Variants in DLC1 observed in about 807,000 individuals in gnomAD.
DLC1 encodes rho GTPase-activating protein 7.
In DLC1, 54 loss-of-function variants were observed where a neutral mutation model predicts 140.3. That is an observed-to-expected ratio of 0.38 (90% CI 0.31 to 0.48). DLC1 has a LOEUF of 0.48. Ranked by LOEUF, DLC1 falls within the 20% of genes least tolerant of loss-of-function variation. The probability of loss-of-function intolerance (pLI) is 0.96; values close to 1 mark genes in which losing one functional copy is unlikely to be tolerated. For synonymous variants in DLC1, 986 were observed against 728.1 expected (o/e 1.35, Z -5.70); for missense variants, 2,536 against 1,907.0 (o/e 1.33, Z -6.14).
intron 3 of DLC1, among the ~76,000 whole-genome samples, chr8:13,398,455 C>A (rs1586276032): frequency 6.6e-6 from 1 of 151,784 alleles, no homozygotes; most frequent in African/African-American, 2.4e-5. Flanking sequence ...AATGATGGAG[C>A]AATAGCCAAT....
At chr8:13,211,342 G>C (rs1010763883) in intron 5 of DLC1, among the ~76,000 whole-genome samples, 1 of 151,926 alleles carries the variant, frequency 6.6e-6, no homozygotes, top group Non-Finnish European at 1.5e-5. Flanking sequence ...ATGGAGCACC[G>C]TTTTGCTGTA....
chr8:13,602,747 C>T lies in DLC1; in HGVS notation c.-126+1790G>A, dbSNP rs185681094. Among the ~76,000 whole-genome samples, 38 of 151,924 alleles carry T rather than the reference C, an allele frequency of 2.5e-4. No individual in the cohort carries two copies. In the East Asian group the frequency reaches 4.6e-3, roughly 18 times the overall value. ...GCTAAAACAAAACAAAATAAAACAA[C>T]ATAATTTTTTTCAAAATCATATTTC... On this transcript the variant is annotated intron_variant, in intron 1 of 1. Coordinates refer to the DLC1 transcript ENST00000631382.
chr8:13,553,291 T>A lies in DLC1; in HGVS notation c.-126+51246A>T, dbSNP rs1803929869. Among the ~76,000 whole-genome samples, 3 of 144,724 alleles carry A rather than the reference T, an allele frequency of 2.1e-5. No homozygotes were observed. The Admixed American group carries it at 2.1e-4, about 10-fold the overall frequency. 94.9% of individuals were successfully genotyped at this position (144,724 alleles called of 152,430 possible). On this transcript the variant is annotated intron_variant, in intron 1 of 1. Coordinates refer to the DLC1 transcript ENST00000631382. ...CTTACTGTTTTAGATGAACTTTCTG[T>A]GCTCCTATATAAGGCCAATTTCTCC...
At chr8:13,477,210 GAA>G (rs35223127) in intron 2 of DLC1, among the ~76,000 whole-genome samples, 2 of 151,484 alleles carry the variant, frequency 1.3e-5, no homozygotes, top group South Asian at 2.1e-4. Flanking sequence ...CAAACAAGAT[GAA>G]AAAAAAAATA....
intron 5 of DLC1, among the ~76,000 whole-genome samples, chr8:13,184,780 T>A (rs1007024317): frequency 4.9e-4 from 74 of 152,308 alleles, no homozygotes; most frequent in African/African-American, 1.7e-3. Context: ...TTCTCTTGAT[T>A]TGGGGTGGAG....
intron 5 of DLC1, among the ~76,000 whole-genome samples, chr8:13,139,809 A>C (rs1285177143): frequency 6.6e-6 from 1 of 152,268 alleles, no homozygotes; most frequent in Non-Finnish European, 1.5e-5. Context: ...AAACAAGTGG[A>C]AAGTAAAACA....
At chr8:13,289,061 T>G (rs1275017108) in intron 5 of DLC1, among the ~76,000 whole-genome samples, 1 of 152,166 alleles carries the variant, frequency 6.6e-6, no homozygotes, top group Admixed American at 6.6e-5. Context: ...TGTGACCAAC[T>G]TCACTCCTGT....
At chr8:13,355,480 C>T (rs143730517) in intron 4 of DLC1, among the ~76,000 whole-genome samples, 11 of 152,292 alleles carry the variant, frequency 7.2e-5, no homozygotes, top group African/African-American at 2.4e-4. Flanking sequence ...CAAGGTCTGG[C>T]AGGGTTCTGC....
intron 1 of DLC1, among the ~76,000 whole-genome samples, chr8:13,521,232 C>G (rs189398513): frequency 1.8e-4 from 27 of 152,136 alleles, no homozygotes; most frequent in African/African-American, 6.3e-4. Flanking sequence ...AGGGGAACAT[C>G]ACCCACTGGG....
chr8:13,359,457 T>C (rs753642187), intron 4 of DLC1, among the ~76,000 whole-genome samples: 1 of 152,170 alleles, frequency 6.6e-6, no homozygotes, highest in Non-Finnish European at 1.5e-5. Context: ...CTGCTAATAA[T>C]ATGCACCTGC....
intron 1 of DLC1, among the ~76,000 whole-genome samples, chr8:13,596,985 TGTTC>T (rs1805703333): frequency 6.6e-6 from 1 of 151,932 alleles, no homozygotes; most frequent in Non-Finnish European, 1.5e-5. Flanking sequence ...GTTTTTTCTA[TGTTC>T]GTTTGTTTGA....
intron 4 of DLC1, chr8:13,338,463 C>T (rs759136710): frequency 5.9e-5 from 9 of 151,986 alleles, no homozygotes; most frequent in Non-Finnish European, 1.3e-4. Context: ...TTTACTGCTA[C>T]AAAAAGAGAA....
chr8:13,488,140 C>T (rs570203388), intron 2 of DLC1, among the ~76,000 whole-genome samples: 2 of 152,130 alleles, frequency 1.3e-5, no homozygotes, highest in Non-Finnish European at 2.9e-5. Flanking sequence ...TTATGCTGAC[C>T]TTGTTATAAC....
At chr8:13,278,547 T>C (rs1453842224) in intron 5 of DLC1, among the ~76,000 whole-genome samples, 1 of 152,188 alleles carries the variant, frequency 6.6e-6, no homozygotes, top group African/African-American at 2.4e-5. Flanking sequence ...AGTTTCAAGG[T>C]AGAAGCATGT....
At chr8:13,428,018 G>T (rs1196540066) in intron 2 of DLC1, among the ~76,000 whole-genome samples, 1 of 152,164 alleles carries the variant, frequency 6.6e-6, no homozygotes, top group Non-Finnish European at 1.5e-5. Flanking sequence ...CTCTGTGCAG[G>T]TGGCTTCGGG....
intron 3 of DLC1, among the ~76,000 whole-genome samples, chr8:13,398,929 G>T (rs145771889): frequency 1.3e-5 from 2 of 152,186 alleles, no homozygotes; most frequent in African/African-American, 2.4e-5. Context: ...TATGAGAAGA[G>T]GAAGGCAAGA....
intron 9 of DLC1, 32 bp downstream of exon 9, chr8:13,099,315 C>G (rs1369359702): frequency 6.3e-7 from 1 of 1,589,986 alleles, no homozygotes. Flanking sequence ...CCCCCAGTGC[C>G]CCACACCCGG....
rs34697767 is a variant in DLC1, at chr8:13,295,938, C to CTTTTTTTTT, written c.1348+9330_1348+9331insAAAAAAAAA. Among the ~76,000 whole-genome samples, 23 of 53,338 alleles carry CTTTTTTTTT rather than the reference C, an allele frequency of 4.3e-4. 4 individuals carry two copies. The highest frequency in any genetic ancestry group is 6.3e-4 in the Non-Finnish European group (17 of 27,136). 35.0% of individuals were successfully genotyped at this position (53,338 alleles called of 152,430 possible). ...ATCTAAGAGATGATCAGATAAGATT[C>CTTTTTTTTT]TTTGTTTTTTTTTTTTTTTTTTTTT... On this transcript the variant is annotated intron_variant, in intron 5 of 17. Coordinates refer to ENST00000276297, the MANE Select transcript of DLC1 (RefSeq NM_182643.3).
intron 5 of DLC1, among the ~76,000 whole-genome samples, chr8:13,173,100 T>C (rs1187564523): frequency 6.6e-6 from 1 of 152,178 alleles, no homozygotes; most frequent in Non-Finnish European, 1.5e-5. Context: ...ACTTAACATA[T>C]CTTTGAAAGA....
Sources: allele counts gnomAD v4.1 joint callset (sites outside exome capture counted in the v4.1 genomes callset), GRCh38; gene constraint gnomAD v4.1.1; transcripts MANE v1.5; gene names NCBI Gene and HGNC (gene_info 2026-07-23, HGNC 2026-07-21).